Variants in EFCAB9 observed in about 807,000 individuals in gnomAD.
EFCAB9 encodes EF-hand calcium binding domain 9, also known as EF-hand calcium-binding domain-containing protein 9.
In EFCAB9, 16 loss-of-function variants were observed where a neutral mutation model predicts 15.6. The observed-to-expected ratio is 1.03, with a 90% CI of 0.69 to 1.56. The LOEUF (loss-of-function observed/expected upper bound fraction) is 1.56. Among genes scored for constraint, EFCAB9 ranks in the 40% most tolerant of loss-of-function variants. The pLI, the probability that EFCAB9 is intolerant of heterozygous loss-of-function variation, is 0.00. For synonymous variants in EFCAB9, 76 were observed against 85.4 expected, an observed-to-expected ratio of 0.89 and a Z score of 0.61; for missense variants, 208 against 235.4, an observed-to-expected ratio of 0.88 and a Z score of 0.76.
At chr5:172,199,638 T>C (rs1314745189) in intron 2 of EFCAB9, 107 bp downstream of exon 2, 3 of 1,429,916 alleles carry the variant, frequency 2.1e-6, no homozygotes, top group Non-Finnish European at 2.8e-6. Context: ...AAAAGATGGG[T>C]GGTGGGGAAA....
At position 172,203,261 on chromosome 5, in the gene EFCAB9, C is replaced by T; in HGVS notation, c.510C>T (p.Asp170=). The part of the protein sequence containing the change: ...EFKLYTIIYT[D]KLQKRQKTEE... ...AGCTGTATACAATCATCTACACTGA[C>T]AAATTACAGAAGAGGCAGAAAACAG... Residue 170 remains aspartate, a synonymous_variant, in exon 4 of 4, where the codon GAC becomes GAT. Transcript: ENST00000398186. The T allele has an allele frequency of 6.5e-7, 1 of 1,536,078 alleles. No homozygotes were observed. Among genetic ancestry groups the T allele is most frequent in the South Asian group, 1.2e-5 (1 of 84,004 alleles).
chr5:172,194,460 C>T (rs1265838686), intron 1 of EFCAB9, among the ~76,000 whole-genome samples, 152 bp downstream of exon 1: 4 of 151,360 alleles, frequency 2.6e-5, no homozygotes, highest in Admixed American at 6.6e-5. Flanking sequence ...AGTACGATGG[C>T]GCGATCTCAG....
chr5:172,196,718 T>C lies in EFCAB9; in HGVS notation c.136+2410T>C, dbSNP rs550524136. On this transcript the variant is annotated intron_variant, in intron 1 of 3. Coordinates refer to ENST00000398186, the MANE Select transcript of EFCAB9 (RefSeq NM_001171183.2). ...TGCAGGAGAGAGTTTCTGTCATCAG[T>C]GAGTAAGGGGAAACACATGTAGATA... 2.3e-4 allele frequency among the ~76,000 whole-genome samples: 35 copies of C among 152,218 alleles called. No individual in the cohort carries two copies. In the South Asian group the frequency reaches 6.8e-3, roughly 30 times the overall value.
At position 172,203,195 on chromosome 5, in the gene EFCAB9, C is replaced by G. The variant is rs79099120; in HGVS notation, c.463-19C>G. ...TTTTTCCTGAAATAATTTTTCTTTCCCCCCCACCCTAACCAAAGCGTCTTA... is the reference window on the plus strand; with the variant it reads ...TTTTTCCTGAAATAATTTTTCTTTCGCCCCCACCCTAACCAAAGCGTCTTA... On this transcript the variant is annotated intron_variant, in intron 3 of 3. Coordinates refer to ENST00000398186, the MANE Select transcript of EFCAB9 (RefSeq NM_001171183.2). The G allele has an allele frequency of 7.4e-7, 1 of 1,348,044 alleles. No homozygotes were observed. Among genetic ancestry groups the G allele is most frequent in the Non-Finnish European group, 9.4e-7 (1 of 1,062,618 alleles). 83.5% of individuals were successfully genotyped at this position (1,348,044 alleles called of 1,614,324 possible).
At chr5:172,201,255 A>G (rs1490296538) in intron 3 of EFCAB9, among the ~76,000 whole-genome samples, 1 of 152,206 alleles carries the variant, frequency 6.6e-6, no homozygotes, top group African/African-American at 2.4e-5. Flanking sequence ...CATGCCTGTA[A>G]TCCCACATAC....
At chr5:172,199,298 C>T in intron 1 of EFCAB9, 85 bp from the exon 2 acceptor site, 12 of 1,417,486 alleles carry the variant, frequency 8.5e-6, no homozygotes, top group African/African-American at 1.4e-5. Context: ...CTTCCAACAT[C>T]ACTACCATTT....
intron 3 of EFCAB9, among the ~76,000 whole-genome samples, chr5:172,202,174 A>T (rs1408825573): frequency 6.6e-6 from 1 of 151,712 alleles, no homozygotes; most frequent in Non-Finnish European, 1.5e-5. Context: ...CCCCATCTCT[A>T]CTAAAAATAC....
rs1005362489 is a variant in EFCAB9 at position 172,198,919 on chromosome 5, G to A, written c.137-464G>A. Among the ~76,000 whole-genome samples, 55 of 152,148 alleles carry A rather than the reference G, an allele frequency of 3.6e-4. 1 individual carries two copies. Among genetic ancestry groups the A allele is most frequent in the Admixed American group, 2.0e-3 (31 of 15,272 alleles). On this transcript the variant is annotated intron_variant, in intron 1 of 3. Transcript: ENST00000398186. ...ATGAGCTACTGTGCCTGGCCGAAGGGGAATGATTTTGTATTCCTCATTTTA... is the reference window on the plus strand; with the variant it reads ...ATGAGCTACTGTGCCTGGCCGAAGGAGAATGATTTTGTATTCCTCATTTTA...
At chr5:172,199,574 G>T in intron 2 of EFCAB9, 43 bp downstream of exon 2, 1 of 1,533,324 alleles carries the variant, frequency 6.5e-7, no homozygotes. Flanking sequence ...GCTAATGGGA[G>T]CACTGAATTA....
chr5:172,201,246 A>G (rs1771252356), intron 3 of EFCAB9, among the ~76,000 whole-genome samples: 1 of 152,204 alleles, frequency 6.6e-6, no homozygotes, highest in Admixed American at 6.5e-5. Flanking sequence ...GCAGTGGCAC[A>G]TGCCTGTAAT....
rs770306623 is a variant in EFCAB9 at position 172,194,283 on chromosome 5, C to T, written c.111C>T (p.Asp37=). The change falls in exon 1 of 4, where the codon GAC becomes GAT. Residue 37 remains aspartate, a synonymous_variant. Transcript: ENST00000398186. ...TGGCAGAATATTTTCATATTCTGGA[C>T]GTGCACGGCAAGAACACCTTGAATG... is the stretch of plus-strand genomic sequence containing the variant. ...KALAEYFHIL[D]VHGKNTLNDV... The T allele has an allele frequency of 5.2e-6, 8 of 1,537,722 alleles. No individual in the cohort carries two copies. The highest frequency in any genetic ancestry group is 2.0e-5 in the Admixed American group (1 of 50,960).
intron 1 of EFCAB9, among the ~76,000 whole-genome samples, chr5:172,195,615 G>A (rs1237317859): frequency 7.4e-6 from 1 of 134,516 alleles, no homozygotes; most frequent in African/African-American, 4.0e-5. Context: ...TAAGCTCCCT[G>A]GTAACCTCCC....
intron 3 of EFCAB9, 147 bp downstream of exon 3, chr5:172,200,889 G>T (rs1181836562): frequency 3.1e-5 from 25 of 809,484 alleles, no homozygotes; most frequent in Non-Finnish European, 4.4e-5. Context: ...ACAAGGATCA[G>T]AAAAAAACTT....
chr5:172,199,627 G>A, intron 2 of EFCAB9, 96 bp downstream of exon 2: 1 of 1,443,588 alleles, frequency 6.9e-7, no homozygotes, highest in South Asian at 1.4e-5. Context: ...AAAAGAGGAA[G>A]AAAAGATGGG....
In EFCAB9 at chr5:172,199,932, C is replaced by CTTT. The variant is rs34086491; in HGVS notation, c.285+421_285+423dup. Reference sequence around the variant, plus strand: ...TTCCAGTATGTACTTACCCAGTTTCCTTTTTTTTTTTTTTTTTTTTTTGAG... The same window carrying CTTT: ...TTCCAGTATGTACTTACCCAGTTTCCTTTTTTTTTTTTTTTTTTTTTTTTTGAG... On this transcript the variant is annotated intron_variant, in intron 2 of 3. Coordinates refer to ENST00000398186, the MANE Select transcript of EFCAB9 (RefSeq NM_001171183.2). Among the ~76,000 whole-genome samples, 249 of 102,348 alleles carry CTTT rather than the reference C, an allele frequency of 2.4e-3. 1 individual carries two copies. The highest frequency in any genetic ancestry group is 3.1e-3 in the Non-Finnish European group (162 of 51,964). 67.1% of individuals were successfully genotyped at this position (102,348 alleles called of 152,430 possible).
At chr5:172,199,601 T>C in intron 2 of EFCAB9, 70 bp downstream of exon 2, 1 of 1,492,480 alleles carries the variant, frequency 6.7e-7, no homozygotes, top group Non-Finnish European at 8.9e-7. Flanking sequence ...CATCAGAAGT[T>C]TTCCTCCTTT....
chr5:172,201,211 A>G (rs1371546023), intron 3 of EFCAB9, among the ~76,000 whole-genome samples: 3 of 152,196 alleles, frequency 2.0e-5, no homozygotes, highest in Non-Finnish European at 4.4e-5. Flanking sequence ...CCCTGTCCCT[A>G]CTAAAAATAC....
intron 3 of EFCAB9, among the ~76,000 whole-genome samples, chr5:172,201,086 C>G (rs1042304289): frequency 5.3e-5 from 8 of 151,954 alleles, no homozygotes; most frequent in Admixed American, 5.2e-4. Context: ...TGCAAAAATA[C>G]AAAAATTGGC....
At chr5:172,198,595 C>T (rs1021612905) in intron 1 of EFCAB9, among the ~76,000 whole-genome samples, 7 of 152,310 alleles carry the variant, frequency 4.6e-5, no homozygotes, top group East Asian at 3.9e-4. Flanking sequence ...CACATCAAGG[C>T]GTTTATAGAC....
Sources: gnomAD v4.1 joint callset for allele counts (sites outside exome capture counted in the v4.1 genomes callset) on GRCh38, gnomAD v4.1.1 for gene constraint, MANE v1.5 for transcripts, NCBI Gene and HGNC (gene_info 2026-07-23, HGNC 2026-07-21) for gene names.